Variants in COQ3 observed in about 807,000 individuals in gnomAD.
COQ3 encodes ubiquinone biosynthesis O-methyltransferase, mitochondrial.
In COQ3, 29 loss-of-function variants were observed where a neutral mutation model predicts 33.1. The ratio of observed to expected loss-of-function variants is 0.88; its 90% CI spans 0.65 to 1.19. The LOEUF is 1.19. Among genes scored for constraint, COQ3 ranks in the 50% most tolerant of loss-of-function variants. The pLI is 0.00. For missense variants in COQ3, 437 were observed against 430.7 expected (o/e 1.01, Z -0.13); for synonymous variants, 173 against 157.8 (o/e 1.10, Z -0.72).
chr6:99,391,025 C>A (rs940800135), intron 1 of COQ3, among the ~76,000 whole-genome samples: 24 of 152,012 alleles, frequency 1.6e-4, no homozygotes, highest in African/African-American at 4.8e-4. Flanking sequence ...ATCCCAAACC[C>A]ATTACAATGT....
At chr6:99,377,256 C>T in intron 4 of COQ3, 130 bp downstream of exon 4, 1 of 736,874 alleles carries the variant, frequency 1.4e-6, no homozygotes, top group South Asian at 1.6e-5. Context: ...GTGATCCACC[C>T]ACCCTGGCCT....
Position 99,375,981 on chromosome 6 carries a change from C to T in COQ3, c.688G>A (p.Asp230Asn), listed in dbSNP as rs778711250. Residue 230 changes from aspartate (D) to asparagine (N), a missense_variant, in exon 5 of 7, where the codon GAT becomes AAT. Transcript: ENST00000254759. ...VASEVVEHVI[D>N]LETFLQCCCQ... Reference sequence around the variant, plus strand: ...CAGCACTGTAAAAATGTTTCTAGATCAATCACATGTTCTACAACTTCAGAA... The same window carrying T: ...CAGCACTGTAAAAATGTTTCTAGATTAATCACATGTTCTACAACTTCAGAA... 1 of 1,614,086 alleles carries T rather than the reference C, an allele frequency of 6.2e-7. No homozygotes were observed. The highest frequency in any genetic ancestry group is 1.1e-5 in the South Asian group (1 of 91,082).
intron 1 of COQ3, among the ~76,000 whole-genome samples, chr6:99,390,577 C>T (rs1218156752): frequency 6.6e-6 from 1 of 152,212 alleles, no homozygotes; most frequent in Non-Finnish European, 1.5e-5. Context: ...CATGATCCAC[C>T]CGCCTCGGCC....
At chr6:99,387,944 C>A (rs560845481) in intron 1 of COQ3, among the ~76,000 whole-genome samples, 87 of 152,240 alleles carry the variant, frequency 5.7e-4, no homozygotes, top group African/African-American at 2.0e-3. Flanking sequence ...GCGGGTGGAT[C>A]ACCCGAGGTT....
intron 1 of COQ3, among the ~76,000 whole-genome samples, chr6:99,390,333 AC>A (rs1471431851): frequency 0.044 from 4,832 of 109,468 alleles, 235 homozygotes; most frequent in African/African-American, 0.14. Context: ...ACAATGTTAA[AC>A]TTTTTTTTTT....
intron 3 of COQ3, among the ~76,000 whole-genome samples, chr6:99,379,219 C>T (rs368132481): frequency 1.3e-5 from 2 of 151,914 alleles, no homozygotes; most frequent in Admixed American, 6.6e-5. Flanking sequence ...CCTAGAAATA[C>T]GTTTTAAGAA....
At chr6:99,379,002 TTTTTATTTTA>T (rs748810267) in intron 3 of COQ3, among the ~76,000 whole-genome samples, 79 of 151,118 alleles carry the variant, frequency 5.2e-4, no homozygotes, top group Non-Finnish European at 9.7e-4. Context: ...TTCCCTTTAT[TTTTTATTTTA>T]TTTTATTTTA....
At chr6:99,380,781 C>T (rs910977173) in intron 2 of COQ3, among the ~76,000 whole-genome samples, 7 of 152,070 alleles carry the variant, frequency 4.6e-5, no homozygotes, top group African/African-American at 1.7e-4. Flanking sequence ...GTAGTGGGTA[C>T]CTCTAATCCC....
intron 4 of COQ3, 142 bp from the exon 5 acceptor site, chr6:99,376,324 A>G: frequency 2.4e-6 from 2 of 822,882 alleles, no homozygotes; most frequent in Non-Finnish European, 3.7e-6. Context: ...AAACTCATAT[A>G]CCATTTTCTC....
At chr6:99,377,665 C>T (rs1481519499) in intron 3 of COQ3, among the ~76,000 whole-genome samples, 180 bp from the exon 4 acceptor site, 1 of 151,780 alleles carries the variant, frequency 6.6e-6, no homozygotes. Context: ...TAATCAAAAG[C>T]AGGATGCTTA....
intron 5 of COQ3, among the ~76,000 whole-genome samples, chr6:99,372,809 A>G (rs1269636719): frequency 6.6e-6 from 1 of 152,122 alleles, no homozygotes; most frequent in African/African-American, 2.4e-5. Flanking sequence ...TCTTTTAAAC[A>G]TTCTCATTAG....
intron 1 of COQ3, among the ~76,000 whole-genome samples, chr6:99,393,401 T>TTTATCCTAACATTTTTAAAGAG (rs1262933629): frequency 1.3e-5 from 2 of 152,186 alleles, no homozygotes; most frequent in Non-Finnish European, 2.9e-5. Flanking sequence ...TGATCTTAGG[T>TTTATCCTAACATTTTTAAAGAG]TTATCCTAAC....
chr6:99,378,161 G>T (rs200625605), intron 3 of COQ3, among the ~76,000 whole-genome samples: 140 of 25,266 alleles, frequency 5.5e-3, no homozygotes, highest in Non-Finnish European at 0.011. Flanking sequence ...TATATATTTA[G>T]AGAGAGAGAG....
chr6:99,370,061 C>T (rs1774084651), intron 6 of COQ3, among the ~76,000 whole-genome samples: 1 of 152,140 alleles, frequency 6.6e-6, no homozygotes, highest in African/African-American at 2.4e-5. Flanking sequence ...CGCAGTCTGC[C>T]TGGATTCAAA....
chr6:99,388,506 C>T (rs1313727665), intron 1 of COQ3, among the ~76,000 whole-genome samples: 1 of 149,588 alleles, frequency 6.7e-6, no homozygotes, highest in African/African-American at 2.5e-5. Flanking sequence ...TCTCAATAGC[C>T]TTTTTTTTTT....
intron 2 of COQ3, among the ~76,000 whole-genome samples, 195 bp downstream of exon 2, chr6:99,383,503 C>T (rs1041039319): frequency 6.6e-5 from 10 of 152,036 alleles, no homozygotes; most frequent in Admixed American, 2.0e-4. Flanking sequence ...ATTCTATTAC[C>T]GTTTCTGTGG....
chr6:99,375,521 T>C (rs537104469), intron 5 of COQ3, among the ~76,000 whole-genome samples: 43 of 152,116 alleles, frequency 2.8e-4, no homozygotes, highest in South Asian at 6.2e-4. Context: ...GTATCTGGAA[T>C]TATAGGCATG....
At chr6:99,392,717 C>A (rs1040187017) in intron 1 of COQ3, among the ~76,000 whole-genome samples, 3 of 152,038 alleles carry the variant, frequency 2.0e-5, no homozygotes, top group Non-Finnish European at 4.4e-5. Context: ...CCTCTGCCTC[C>A]CAGGTTCAAG....
Position 99,377,536 on chromosome 6 carries a change from C to G in COQ3, c.387-51G>C, listed in dbSNP as rs752367601. The G allele has an allele frequency of 2.3e-6, 3 of 1,318,928 alleles. No homozygotes were observed. In the Admixed American group the frequency reaches 5.9e-5, roughly 26 times the overall value. 81.7% of individuals were successfully genotyped at this position (1,318,928 alleles called of 1,614,324 possible). On this transcript the variant is annotated intron_variant, in intron 3 of 6. Transcript: ENST00000254759. ...CAAAACAAATAATTAATTTTATCAA[C>G]GAAAAGTCACAAAGTGTGTAGTTTT...
Sources: allele counts gnomAD v4.1 joint callset (sites outside exome capture counted in the v4.1 genomes callset), GRCh38; gene constraint gnomAD v4.1.1; transcripts MANE v1.5; gene names NCBI Gene and HGNC (gene_info 2026-07-23, HGNC 2026-07-21).